The following NFATC3 variants were observed in gnomAD, a reference collection of about 807,000 sequenced individuals.
The protein encoded by NFATC3 is nuclear factor of activated T-cells, cytoplasmic 3.
NFATC3 carries 46 observed loss-of-function variants against 98.6 expected under a neutral mutation model. That is an observed-to-expected ratio of 0.47 (90% confidence interval 0.37 to 0.60). NFATC3 has a LOEUF of 0.60. Ranked by LOEUF, NFATC3 falls within the 20% of genes least tolerant of loss-of-function variation. The probability of loss-of-function intolerance (pLI) is 0.00; values close to 1 mark genes in which losing one functional copy is unlikely to be tolerated. For synonymous variants in NFATC3, 512 were observed against 472.2 expected (o/e 1.08, Z -1.09); for missense variants, 1,256 against 1,295.5 (o/e 0.97, Z 0.47).
At chr16:68,221,492 A>G in intron 9 of NFATC3, 1 of 1,280,492 alleles carries the variant, frequency 7.8e-7, no homozygotes, top group Non-Finnish European at 9.9e-7. Flanking sequence ...CATTGTTCCA[A>G]GTCCCCAAAT....
chr16:68,109,638 C>T (rs752614592), intron 1 of NFATC3, among the ~76,000 whole-genome samples: 6 of 152,082 alleles, frequency 3.9e-5, no homozygotes, highest in South Asian at 2.1e-4. Context: ...GGAATAGTTT[C>T]GGAAGAAATG....
At chr16:68,200,164 C>T (rs1181434009) in intron 9 of NFATC3, 1 of 151,912 alleles carries the variant, frequency 6.6e-6, no homozygotes, top group Non-Finnish European at 1.5e-5. Flanking sequence ...CTTCATCCTT[C>T]CCTCACCAAA....
intron 3 of NFATC3, among the ~76,000 whole-genome samples, chr16:68,130,428 C>A (rs2037058043): frequency 6.6e-6 from 1 of 152,010 alleles, no homozygotes; most frequent in South Asian, 2.1e-4. Flanking sequence ...TTTTTATATA[C>A]CTGTTTGCCA....
At chr16:68,089,005 T>G (rs2034558415) in intron 1 of NFATC3, 1 of 985,480 alleles carries the variant, frequency 1.0e-6, no homozygotes, top group Non-Finnish European at 1.2e-6. Flanking sequence ...ACCTAAGTTT[T>G]GAATCATTGC....
intron 5 of NFATC3, among the ~76,000 whole-genome samples, chr16:68,170,846 CA>C (rs2039425542): frequency 6.6e-6 from 1 of 151,920 alleles, no homozygotes; most frequent in South Asian, 2.1e-4. Context: ...CATACACACA[CA>C]ATGTTTTTTA....
At chr16:68,129,867 C>A (rs1260394067) in intron 3 of NFATC3, among the ~76,000 whole-genome samples, 2 of 151,842 alleles carry the variant, frequency 1.3e-5, no homozygotes, top group Non-Finnish European at 2.9e-5. Flanking sequence ...TTTGTGGAGA[C>A]AGTCTTGATT....
At chr16:68,198,697 C>T (rs1252970097) in intron 9 of NFATC3, among the ~76,000 whole-genome samples, 1 of 152,136 alleles carries the variant, frequency 6.6e-6, no homozygotes, top group Non-Finnish European at 1.5e-5. Flanking sequence ...ATCGCTTGAG[C>T]CCAGGAGTTC....
At chr16:68,145,005 A>G (rs1459255663) in intron 3 of NFATC3, among the ~76,000 whole-genome samples, 5 of 152,124 alleles carry the variant, frequency 3.3e-5, no homozygotes. Flanking sequence ...TGGCAATCTC[A>G]CTATGTTGCC....
At chr16:68,218,332 T>C (rs1001727265) in intron 9 of NFATC3, among the ~76,000 whole-genome samples, 3 of 151,586 alleles carry the variant, frequency 2.0e-5, no homozygotes, top group African/African-American at 7.3e-5. Flanking sequence ...CCCAGCACTT[T>C]GGAAGGCCGA....
intron 3 of NFATC3, among the ~76,000 whole-genome samples, chr16:68,134,264 C>T (rs577335688): frequency 4.6e-5 from 7 of 152,274 alleles, no homozygotes; most frequent in African/African-American, 7.2e-5. Context: ...TGGGCTCAAG[C>T]GATCTTCCCA....
chr16:68,085,729 C>T lies in NFATC3; in HGVS notation c.48C>T (p.Leu16=), dbSNP rs1238099857. The change falls in exon 1 of 10, where the codon CTC becomes CTT. Residue 16 remains leucine, a synonymous_variant. Transcript: ENST00000346183. ...CCCACGACGAGCTCGACTTCAAACT[C>T]GTCTTTGGCGAGGACGGGGCGCCGG... ...CGAHDELDFK[L]VFGEDGAPAP... is the part of the protein sequence containing the mutation. 2.6e-6 allele frequency: 4 copies of T among 1,512,150 alleles called. No homozygotes were observed. Among genetic ancestry groups the T allele is most frequent in the Middle Eastern group, 1.8e-4 (1 of 5,652 alleles). The allele number at this position is 1,512,150 out of a possible 1,614,324, so 93.7% of individuals were successfully genotyped here.
At position 68,191,607 on chromosome 16, in the gene NFATC3, A is replaced by T; in HGVS notation, c.2938A>T (p.Ser980Cys). The T allele has an allele frequency of 6.2e-7, 1 of 1,614,110 alleles. No individual in the cohort carries two copies. Among genetic ancestry groups the T allele is most frequent in the Non-Finnish European group, 8.5e-7 (1 of 1,180,030 alleles). The change falls in exon 9 of 10, where the codon AGT (serine) becomes TGT (cysteine). Residue 980 changes from serine to cysteine, a missense_variant. Transcript: ENST00000346183. ...HSGQHSTQAQ[S>C]TGQGGLSAPS... ...TGGACAGCACTCAACTCAAGCACAAAGTACGGGCCAGGGGGGTCTTTCTGC... is the reference window on the plus strand; with the variant it reads ...TGGACAGCACTCAACTCAAGCACAATGTACGGGCCAGGGGGGTCTTTCTGC...
intron 5 of NFATC3, among the ~76,000 whole-genome samples, chr16:68,167,692 C>A (rs1318514247): frequency 6.6e-6 from 1 of 151,694 alleles, no homozygotes. Context: ...GCACAAGTAT[C>A]TCTAGTACTC....
chr16:68,104,041 G>A (rs1598364531), intron 1 of NFATC3, among the ~76,000 whole-genome samples: 2 of 152,148 alleles, frequency 1.3e-5, no homozygotes, highest in Admixed American at 6.5e-5. Context: ...TTGCATTTCC[G>A]TATAAATTTG....
At chr16:68,121,577 A>G (rs1415079127) in intron 1 of NFATC3, among the ~76,000 whole-genome samples, 1 of 151,330 alleles carries the variant, frequency 6.6e-6, no homozygotes, top group Non-Finnish European at 1.5e-5. Context: ...GGCTGAGGAA[A>G]GGATCACTTG....
intron 3 of NFATC3, 25 bp from the exon 4 acceptor site, chr16:68,157,844 T>C (rs574944220): frequency 1.3e-6 from 2 of 1,594,278 alleles, no homozygotes; most frequent in African/African-American, 1.3e-5. Flanking sequence ...AATTGTGCTT[T>C]TCTGTGTTTC....
chr16:68,214,521 G>C (rs900369099), intron 9 of NFATC3: 6 of 1,118,436 alleles, frequency 5.4e-6, no homozygotes, highest in South Asian at 3.9e-5. Flanking sequence ...TACAGAGGAG[G>C]GGGTATGCAC....
chr16:68,204,642 A>G (rs769863587), intron 9 of NFATC3, among the ~76,000 whole-genome samples: 2 of 152,242 alleles, frequency 1.3e-5, no homozygotes, highest in African/African-American at 2.4e-5. Flanking sequence ...TAAAATAGCT[A>G]TAATTGATTA....
intron 3 of NFATC3, among the ~76,000 whole-genome samples, chr16:68,133,906 C>A (rs1220290664): frequency 6.6e-6 from 1 of 150,860 alleles, no homozygotes; most frequent in Admixed American, 6.6e-5. Context: ...AAATGACTTT[C>A]GATGGACAAA....
Sources: gnomAD v4.1 joint callset for allele counts (sites outside exome capture counted in the v4.1 genomes callset) on GRCh38, gnomAD v4.1.1 for gene constraint, MANE v1.5 for transcripts, NCBI Gene and HGNC (gene_info 2026-07-23, HGNC 2026-07-21) for gene names.